SPTBN4: variants seen among roughly 807,000 people sequenced by gnomAD.
SPTBN4 encodes the protein spectrin beta, non-erythrocytic 4.
In SPTBN4, 96 loss-of-function variants were observed where a neutral mutation model predicts 277.8. The ratio of observed to expected loss-of-function variants is 0.35; its 90% confidence interval spans 0.29 to 0.41. The LOEUF is 0.41. Ranked by LOEUF, SPTBN4 falls within the 10% of genes least tolerant of loss-of-function variation. SPTBN4 has a pLI of 1.00. For missense variants in SPTBN4, 3,006 were observed against 3,595.7 expected (o/e 0.84, Z 4.19); for synonymous variants, 1,481 against 1,580.3 (o/e 0.94, Z 1.49).
At chr19:40,541,429 G>A (rs567884992) in intron 20 of SPTBN4, among the ~76,000 whole-genome samples, 2 of 152,318 alleles carry the variant, frequency 1.3e-5, no homozygotes, top group East Asian at 1.9e-4. Context: ...GCACCCAGAC[G>A]GAGCCCAGCT....
intron 13 of SPTBN4, among the ~76,000 whole-genome samples, chr19:40,510,755 C>T (rs2145861516): frequency 6.6e-6 from 1 of 152,270 alleles, no homozygotes; most frequent in Admixed American, 6.5e-5. Context: ...CAGGCAGTGG[C>T]TCACGCCTGT....
rs375637002 is a variant in SPTBN4, at chr19:40,467,038, G to A, written c.-283G>A. ...CGAGTGCAGCCGTGCACCCCACGCCGCGGCCGGGTGTGACTGCGCGTGGGC... is the reference window on the plus strand; with the variant it reads ...CGAGTGCAGCCGTGCACCCCACGCCACGGCCGGGTGTGACTGCGCGTGGGC... On this transcript the variant is annotated 5_prime_UTR_variant, in exon 1 of 36. Transcript: ENST00000598249. 6.6e-5 allele frequency among the ~76,000 whole-genome samples: 10 copies of A among 151,510 alleles called. No individual in the cohort carries two copies. The East Asian group carries it at 1.9e-3, about 29-fold the overall frequency.
intron 20 of SPTBN4, among the ~76,000 whole-genome samples, chr19:40,543,063 G>T (rs1445976836): frequency 6.6e-6 from 1 of 152,110 alleles, no homozygotes; most frequent in African/African-American, 2.4e-5. Context: ...ATGTTGGCAG[G>T]ATGACCCCAG....
chr19:40,472,709 C>G lies in SPTBN4; in HGVS notation c.88C>G (p.Arg30Gly). The G allele has an allele frequency of 6.2e-7, 1 of 1,612,254 alleles. No individual in the cohort carries two copies. Among genetic ancestry groups the G allele is most frequent in the Non-Finnish European group, 8.5e-7 (1 of 1,179,268 alleles). ...TGCTGCCCGCTGGGAGAGTCCGGAT[C>G]GGGGCTGGGAGCGGGAGCAGCCGGC... is the stretch of plus-strand genomic sequence containing the variant. Reference protein sequence around the residue: ...NPAARWESPDRGWEREQPAAS... With the variant: ...NPAARWESPDGGWEREQPAAS... Residue 30 changes from arginine (R) to glycine (G), a missense_variant, in exon 2 of 36, where the codon CGG becomes GGG. Arg to Gly is a moderately radical substitution (Grantham distance 125). This residue lies in a region of SPTBN4 where 78 missense variants were observed against 65.7 expected (regional missense o/e 1.19). Coordinates refer to ENST00000598249, the MANE Select transcript of SPTBN4 (RefSeq NM_020971.3).
rs971312229 is a variant in SPTBN4 at position 40,511,410 on chromosome 19, T to TCAAA, written c.1817-1184_1817-1181dup. 3.9e-5 allele frequency among the ~76,000 whole-genome samples: 6 copies of TCAAA among 152,116 alleles called. No homozygotes were observed. The East Asian group carries it at 1.2e-3, about 29-fold the overall frequency. On this transcript the variant is annotated intron_variant, in intron 13 of 35. Coordinates refer to ENST00000598249, the MANE Select transcript of SPTBN4 (RefSeq NM_020971.3). Reference sequence around the variant, plus strand: ...GCGACAGTGAGAGACTCTGTCTCAATCAAACAAACAAACAATACCAAACAA... The same window carrying TCAAA: ...GCGACAGTGAGAGACTCTGTCTCAATCAAACAAACAAACAAACAATACCAAACAA...
intron 27 of SPTBN4, among the ~76,000 whole-genome samples, chr19:40,562,170 T>C (rs976965545): frequency 6.6e-6 from 1 of 152,042 alleles, no homozygotes; most frequent in African/African-American, 2.4e-5. Context: ...GAGCATGCCT[T>C]CTCTATGAGG....
In SPTBN4 at chr19:40,506,253, G is replaced by C. The variant is rs762163646; in HGVS notation, c.1683G>C (p.Arg561=). Residue 561 remains arginine, a synonymous_variant, in exon 13 of 36, where the codon CGG becomes CGC. Transcript: ENST00000598249. The part of the protein sequence containing the change: ...MEEMQAQLLS[R]ECGQHLVEAD... Reference sequence around the variant, plus strand: ...GCTTGTAGGCTCAGCTGCTGTCCCGGGAGTGTGGGCAGCACCTGGTGGAGG... The same window carrying C: ...GCTTGTAGGCTCAGCTGCTGTCCCGCGAGTGTGGGCAGCACCTGGTGGAGG... The C allele has an allele frequency of 1.9e-6, 3 of 1,613,186 alleles. No individual in the cohort carries two copies. The highest frequency in any genetic ancestry group is 2.5e-6 in the Non-Finnish European group (3 of 1,179,506).
intron 2 of SPTBN4, among the ~76,000 whole-genome samples, chr19:40,484,729 C>T (rs1328574012): frequency 6.6e-6 from 1 of 151,642 alleles, no homozygotes; most frequent in African/African-American, 2.4e-5. Flanking sequence ...AGATGGAGAC[C>T]ATCCTGGCTA....
At chr19:40,569,763 C>T (rs761331188) in intron 32 of SPTBN4, 37 bp downstream of exon 32, 2 of 1,578,226 alleles carry the variant, frequency 1.3e-6, no homozygotes, top group Non-Finnish European at 1.7e-6. Context: ...ATAGGAGGAC[C>T]CCTTTTTCAG....
intron 13 of SPTBN4, among the ~76,000 whole-genome samples, chr19:40,506,799 A>C (rs1290306644): frequency 6.6e-6 from 1 of 151,976 alleles, no homozygotes; most frequent in Non-Finnish European, 1.5e-5. Context: ...CCAACATAGA[A>C]AGACATCATC....
rs902817237 is a variant in SPTBN4 at position 40,557,045 on chromosome 19, A to C, written c.5312A>C (p.Glu1771Ala). 4 of 1,328,864 alleles carry C rather than the reference A, an allele frequency of 3.0e-6. No homozygotes were observed. In the African/African-American group the frequency reaches 6.2e-5, roughly 21 times the overall value. 82.3% of individuals were successfully genotyped at this position (1,328,864 alleles called of 1,614,324 possible). Residue 1771 changes from glutamate to alanine, a missense_variant, in exon 26 of 36, where the codon GAG (glutamate) becomes GCG (alanine). Physicochemically the swap from Glu to Ala is moderately radical, Grantham distance 107. Transcript: ENST00000598249. ...HVSVLQEKFS[E>A]FASETGMAGR... ...CAGGTGCTGCAGGAGAAATTCTCAGAGTTTGCCAGCGAGACAGGTATGGCA... is the reference window on the plus strand; with the variant it reads ...CAGGTGCTGCAGGAGAAATTCTCAGCGTTTGCCAGCGAGACAGGTATGGCA...
chr19:40,523,434 C>A lies in SPTBN4; in HGVS notation c.3655-3C>A, dbSNP rs758515909. 6.3e-7 allele frequency: 1 copy of A among 1,596,944 alleles called. No homozygotes were observed. Among genetic ancestry groups the A allele is most frequent in the South Asian group, 1.1e-5 (1 of 88,898 alleles). ...CCTTTGCACCACGCTCCCTCCTCCC[C>A]AGGAGATGGCGCTGTCTGGTGCGGA... On this transcript the variant is annotated splice_polypyrimidine_tract_variant and splice_region_variant and intron_variant, in intron 16 of 35. Coordinates refer to ENST00000598249, the MANE Select transcript of SPTBN4 (RefSeq NM_020971.3).
rs2080951030 is a variant in SPTBN4 at position 40,554,253 on chromosome 19, G to A, written c.4781G>A (p.Arg1594Gln). ...LRSPEAEAVR[R>Q]GLEQLQSAWA... is the part of the protein sequence containing the mutation. ...AGCCCGGAGGCAGAGGCAGTGCGCCGGGGCCTGGAGCAGCTGCAGAGCGCC... is the reference window on the plus strand; with the variant it reads ...AGCCCGGAGGCAGAGGCAGTGCGCCAGGGCCTGGAGCAGCTGCAGAGCGCC... Residue 1594 changes from arginine (R) to glutamine (Q), a missense_variant, in exon 23 of 36, where the codon CGG (arginine) becomes CAG (glutamine). Physicochemically the swap from Arg to Gln is conservative, Grantham distance 43 (BLOSUM62 1). This residue lies in a region of SPTBN4 where 1,759 missense variants were observed against 2,061.5 expected (regional missense o/e 0.85). Transcript: ENST00000598249. The surrounding 1 kb of genome is among the most constrained non-coding windows in gnomAD (Gnocchi z 5.7). 3 of 1,528,110 alleles carry A rather than the reference G, an allele frequency of 2.0e-6. No homozygotes were observed. The highest frequency in any genetic ancestry group is 2.6e-6 in the Non-Finnish European group (3 of 1,144,376). 94.7% of individuals were successfully genotyped at this position (1,528,110 alleles called of 1,614,324 possible). A position where few individuals can be genotyped will look rare whatever the true frequency, so the allele number is the denominator to read the frequency against.
intron 35 of SPTBN4, among the ~76,000 whole-genome samples, chr19:40,574,091 G>C (rs1041776947): frequency 2.2e-4 from 33 of 151,620 alleles, no homozygotes; most frequent in Admixed American, 1.8e-3. Context: ...GACAGAGCGA[G>C]ACTCCATCTC....
rs1488394403 is a variant in SPTBN4, at chr19:40,472,755, C to T, written c.134C>T (p.Ser45Leu). Residue 45 changes from serine (S) to leucine (L), a missense_variant, in exon 2 of 36, where the codon TCG becomes TTG. By Grantham distance (145) the Ser-to-Leu change is moderately radical (BLOSUM62 -2). Transcript: ENST00000598249. ...EQPAASTAAA[S>L]LFECSRIKAL... ...CCGGCTGCGTCCACCGCAGCGGCCT[C>T]GCTCTTTGAGTGCTCCCGGATCAAG... The T allele has an allele frequency of 5.6e-6, 9 of 1,595,218 alleles. No individual in the cohort carries two copies. The highest frequency in any genetic ancestry group is 2.3e-5 in the East Asian group (1 of 44,222).
intron 27 of SPTBN4, 137 bp from the exon 28 acceptor site, chr19:40,565,282 AAAAG>A: frequency 8.8e-7 from 1 of 1,134,562 alleles, no homozygotes; most frequent in Non-Finnish European, 1.2e-6. Flanking sequence ...AAAAGAAAAG[AAAAG>A]AAAAGAAAAG....
chr19:40,572,167 AAAAAGAAGCATGTCTTC>A lies in SPTBN4; in HGVS notation c.7471_7487del (p.Lys2491AlafsTer8). 1 of 1,603,152 alleles carries A rather than the reference AAAAAGAAGCATGTCTTC, an allele frequency of 6.2e-7. No individual in the cohort carries two copies. Among genetic ancestry groups the A allele is most frequent in the Non-Finnish European group, 8.5e-7 (1 of 1,173,386 alleles). Reference sequence around the variant, plus strand: ...CAGCGAGGTGGCTAGTGACTACAAGAAAAAGAAGCATGTCTTCAAGCTCCAGTGAGCCCCCCAATGGG... The same window carrying A: ...CAGCGAGGTGGCTAGTGACTACAAGAAAGCTCCAGTGAGCCCCCCAATGGG... On this transcript the variant is annotated frameshift_variant, in exon 34 of 36. Transcript: ENST00000598249. LOFTEE classifies it high-confidence loss of function.
intron 2 of SPTBN4, among the ~76,000 whole-genome samples, chr19:40,480,023 G>T (rs953468708): frequency 3.3e-5 from 5 of 151,762 alleles, no homozygotes; most frequent in Admixed American, 6.6e-5. Flanking sequence ...AGGCAGAGGC[G>T]GATGGATCAC....
intron 20 of SPTBN4, among the ~76,000 whole-genome samples, chr19:40,545,482 C>G (rs1334734532): frequency 6.6e-6 from 1 of 152,134 alleles, no homozygotes; most frequent in Non-Finnish European, 1.5e-5. Context: ...AAAGACCTGC[C>G]AAATTGCCTT....
Sources: gnomAD v4.1 joint callset for allele counts (sites outside exome capture counted in the v4.1 genomes callset) on GRCh38, gnomAD v4.1.1 for gene constraint, gnomAD v4.1.1 regional missense constraint, Gnocchi (gnomAD v3.1) non-coding constraint, MANE v1.5 for transcripts, NCBI Gene and HGNC (gene_info 2026-07-23, HGNC 2026-07-21) for gene names.